MARK1: variants seen among roughly 807,000 people sequenced by gnomAD.
MARK1 encodes the protein microtubule affinity regulating kinase 1, also known as serine/threonine-protein kinase MARK1.
Under a neutral mutation model 96.3 loss-of-function variants are expected in MARK1, and 40 were observed. The observed-to-expected ratio is 0.42, with a 90% CI of 0.32 to 0.54. The LOEUF (loss-of-function observed/expected upper bound fraction) is 0.54. MARK1 is among the 20% of genes least tolerant of loss of function. MARK1 has a pLI of 0.16. For missense variants in MARK1, 719 were observed against 984.6 expected (o/e 0.73, Z 3.61); for synonymous variants, 317 against 341.2 (o/e 0.93, Z 0.78).
intron 9 of MARK1, chr1:220,628,148 G>A (rs942939571): frequency 1.3e-5 from 2 of 152,170 alleles, no homozygotes; most frequent in Non-Finnish European, 2.9e-5. Flanking sequence ...GCTGTATCTG[G>A]TGACTACCTT....
At chr1:220,603,751 C>A (rs1483193572) in intron 5 of MARK1, among the ~76,000 whole-genome samples, 1 of 152,042 alleles carries the variant, frequency 6.6e-6, no homozygotes, top group Non-Finnish European at 1.5e-5. Context: ...TGTGGCTTCC[C>A]TTTACTAGAA....
At chr1:220,630,915 C>G (rs956414095) in intron 9 of MARK1, 120 bp from the exon 10 acceptor site, 2 of 680,120 alleles carry the variant, frequency 2.9e-6, no homozygotes, top group African/African-American at 3.6e-5. Flanking sequence ...ACTAATCAAA[C>G]TAGAAATGTC....
At chr1:220,633,024 G>A (rs1003925478) in intron 11 of MARK1, among the ~76,000 whole-genome samples, 2 of 152,172 alleles carry the variant, frequency 1.3e-5, no homozygotes, top group Admixed American at 1.3e-4. Context: ...GGAAGGTGAG[G>A]GGGAGCCAGC....
chr1:220,542,507 G>A (rs1661211455), intron 1 of MARK1, among the ~76,000 whole-genome samples: 1 of 152,160 alleles, frequency 6.6e-6, no homozygotes, highest in Non-Finnish European at 1.5e-5. Flanking sequence ...CTAAATTGAG[G>A]ATGCTTCCTT....
At chr1:220,631,798 A>G (rs1667695023) in intron 10 of MARK1, among the ~76,000 whole-genome samples, 1 of 152,192 alleles carries the variant, frequency 6.6e-6, no homozygotes, top group Admixed American at 6.5e-5. Flanking sequence ...AACCTACTGC[A>G]AATCAGAAAG....
intron 6 of MARK1, among the ~76,000 whole-genome samples, chr1:220,610,378 G>A (rs578025171): frequency 2.0e-5 from 3 of 152,174 alleles, no homozygotes; most frequent in East Asian, 1.9e-4. Flanking sequence ...CGAAGTTCTC[G>A]CACCATGGTT....
At chr1:220,648,777 G>A (rs1007012762) in intron 13 of MARK1, among the ~76,000 whole-genome samples, 1 of 152,190 alleles carries the variant, frequency 6.6e-6, no homozygotes, top group Non-Finnish European at 1.5e-5. Context: ...TACATTTGGT[G>A]CCCATGGGGT....
rs1350865240 is a variant in MARK1, at chr1:220,587,365, GTCTT to G, written c.309+6261_309+6264del. Among the ~76,000 whole-genome samples the G allele has an allele frequency of 1.2e-3, 158 of 127,224 alleles. 2 individuals carry two copies. The highest frequency in any genetic ancestry group is 4.6e-3 in the African/African-American group (156 of 33,972). 83.5% of individuals were successfully genotyped at this position (127,224 alleles called of 152,430 possible). A position where few individuals can be genotyped will look rare whatever the true frequency, so the allele number is the denominator to read the frequency against. On this transcript the variant is annotated intron_variant, in intron 3 of 17. Coordinates refer to ENST00000366917, the MANE Select transcript of MARK1 (RefSeq NM_018650.5). ...TCTCTCTCTCTCTGTCTCTCTCTCT[GTCTT>G]TCTTTCTTTCTTTTTTTGGACGGAG...
chr1:220,616,098 T>C (rs140734668), intron 7 of MARK1, 103 bp downstream of exon 7: 11,958 of 550,136 alleles, frequency 0.022, 228 homozygotes, highest in Middle Eastern at 0.071. Flanking sequence ...ACTGTGCTGC[T>C]GGACACTATA....
chr1:220,661,104 G>T (rs1669454598), intron 17 of MARK1, among the ~76,000 whole-genome samples: 1 of 152,224 alleles, frequency 6.6e-6, no homozygotes, highest in African/African-American at 2.4e-5. Context: ...CAACAGCCTT[G>T]TGGCAAGAAC....
At chr1:220,643,687 A>G (rs535910764) in intron 13 of MARK1, among the ~76,000 whole-genome samples, 1 of 152,336 alleles carries the variant, frequency 6.6e-6, no homozygotes, top group East Asian at 1.9e-4. Context: ...AGGCCAGGTC[A>G]CTTACAAAGG....
intron 3 of MARK1, among the ~76,000 whole-genome samples, chr1:220,592,561 C>T (rs1665069926): frequency 6.6e-6 from 1 of 152,148 alleles, no homozygotes; most frequent in Non-Finnish European, 1.5e-5. Flanking sequence ...GAGACCTGAG[C>T]AGAAGACCCA....
At chr1:220,571,409 T>C (rs1663444016) in intron 1 of MARK1, among the ~76,000 whole-genome samples, 1 of 152,202 alleles carries the variant, frequency 6.6e-6, no homozygotes, top group Non-Finnish European at 1.5e-5. Flanking sequence ...ATCACAGGTC[T>C]TTTGTGCTTC....
rs1477692152 is a variant in MARK1 at position 220,625,420 on chromosome 1, G to A, written c.910-5615G>A. On this transcript the variant is annotated intron_variant, in intron 9 of 17. Transcript: ENST00000366917. ...CAGACATGGATCATTCTTTGATTGG[G>A]TTTATGGTCCAGTGGTGGAGATACA... is the stretch of plus-strand genomic sequence containing the variant. Among the ~76,000 whole-genome samples the A allele has an allele frequency of 2.6e-5, 4 of 152,164 alleles. No homozygotes were observed. The East Asian group carries it at 7.7e-4, about 29-fold the overall frequency.
intron 2 of MARK1, among the ~76,000 whole-genome samples, chr1:220,580,249 G>A (rs551356438): frequency 5.0e-4 from 76 of 152,170 alleles, no homozygotes; most frequent in African/African-American, 1.7e-3. Flanking sequence ...TTGGGAGGCT[G>A]AAGTGGGCAT....
chr1:220,608,352 ATAG>A (rs2102936913), intron 6 of MARK1, among the ~76,000 whole-genome samples: 1 of 152,232 alleles, frequency 6.6e-6, no homozygotes, highest in African/African-American at 2.4e-5. Context: ...AGAGGTGTTT[ATAG>A]TATTCTCTGA....
intron 1 of MARK1, among the ~76,000 whole-genome samples, chr1:220,534,212 T>C (rs2102690661): frequency 6.6e-6 from 1 of 152,248 alleles, no homozygotes; most frequent in Middle Eastern, 3.4e-3. Context: ...TTTGGGGGTA[T>C]ATGTGTTAAT....
intron 7 of MARK1, among the ~76,000 whole-genome samples, chr1:220,617,547 C>T (rs1341880811): frequency 2.0e-5 from 3 of 152,116 alleles, no homozygotes; most frequent in Non-Finnish European, 2.9e-5. Flanking sequence ...TGTACAAAAG[C>T]AAGTCCTTTA....
intron 1 of MARK1, among the ~76,000 whole-genome samples, chr1:220,553,920 C>T (rs540589474): frequency 4.6e-5 from 7 of 152,194 alleles, no homozygotes; most frequent in African/African-American, 7.2e-5. Flanking sequence ...GCATGACAGC[C>T]TAGGCCTGTT....
Sources: allele counts gnomAD v4.1 joint callset (sites outside exome capture counted in the v4.1 genomes callset), GRCh38; gene constraint gnomAD v4.1.1; transcripts MANE v1.5; gene names NCBI Gene and HGNC (gene_info 2026-07-23, HGNC 2026-07-21).